Variants in CCDC13 observed in about 807,000 individuals in gnomAD.
The protein encoded by CCDC13 is coiled-coil domain-containing protein 13.
Under a neutral mutation model 87.3 loss-of-function variants are expected in CCDC13, and 70 were observed. That is an observed-to-expected ratio of 0.80 (90% CI 0.66 to 0.98). The LOEUF (loss-of-function observed/expected upper bound fraction) is 0.98, where lower values mean the gene tolerates loss of function less well. CCDC13 is among the 50% of genes least tolerant of loss of function. The probability of loss-of-function intolerance (pLI) is 0.00; values close to 1 mark genes in which losing one functional copy is unlikely to be tolerated. For missense variants in CCDC13, 842 were observed against 892.0 expected, an observed-to-expected ratio of 0.94 and a Z score of 0.71; for synonymous variants, 317 against 360.3, an observed-to-expected ratio of 0.88 and a Z score of 1.36.
chr3:42,772,289 A>T (rs55973237), intron 1 of CCDC13, among the ~76,000 whole-genome samples: 1,079 of 72,026 alleles, frequency 0.015, 13 homozygotes, highest in African/African-American at 0.037. Context: ...AAAAAAAAAA[A>T]AGTAATAATA....
At chr3:42,756,268 C>G (rs339680) in intron 3 of CCDC13, among the ~76,000 whole-genome samples, 144,459 of 152,346 alleles carry the variant, frequency 0.95, 68,542 homozygotes, top group East Asian at 1. Flanking sequence ...ATACATAACA[C>G]AGGACAATCA....
intron 3 of CCDC13, 66 bp downstream of exon 3, chr3:42,757,000 G>T: frequency 6.7e-7 from 1 of 1,486,932 alleles, no homozygotes; most frequent in Non-Finnish European, 9.2e-7. Flanking sequence ...TCTGGAACCT[G>T]CTGTCTGCCC....
At chr3:42,754,338 G>C (rs537319984) in intron 3 of CCDC13, among the ~76,000 whole-genome samples, 46 of 152,280 alleles carry the variant, frequency 3.0e-4, no homozygotes, top group Non-Finnish European at 5.9e-5. Flanking sequence ...CAAGAGAAAA[G>C]GCTCAGAGCA....
chr3:42,770,136 G>C (rs1700033565), intron 1 of CCDC13, among the ~76,000 whole-genome samples: 2 of 152,254 alleles, frequency 1.3e-5, no homozygotes, highest in Admixed American at 6.5e-5. Context: ...CCTGAGTCTA[G>C]TGGGGACTTG....
In CCDC13 at chr3:42,739,511, C is replaced by T. The variant is rs543787960; in HGVS notation, c.1164+123G>A. The T allele has an allele frequency of 6.9e-5, 76 of 1,109,430 alleles. No individual in the cohort carries two copies. In the Middle Eastern group the frequency reaches 2.7e-3, roughly 40 times the overall value. 68.7% of individuals were successfully genotyped at this position (1,109,430 alleles called of 1,614,324 possible). On this transcript the variant is annotated intron_variant, in intron 9 of 15. Coordinates refer to ENST00000310232, the MANE Select transcript of CCDC13 (RefSeq NM_144719.4). ...GGTACTGGGGGCCATCTGGAGGCAA[C>T]GGGCTTTGGGGTTACACAGGTGGCA... is the stretch of plus-strand genomic sequence containing the variant.
At chr3:42,766,427 T>C (rs1048693130) in intron 1 of CCDC13, among the ~76,000 whole-genome samples, 4 of 152,046 alleles carry the variant, frequency 2.6e-5, no homozygotes, top group Non-Finnish European at 5.9e-5. Flanking sequence ...CGGGTTCATC[T>C]TGCCTGCTGT....
chr3:42,755,661 G>C (rs1416247883), intron 3 of CCDC13, among the ~76,000 whole-genome samples: 1 of 152,200 alleles, frequency 6.6e-6, no homozygotes, highest in African/African-American at 2.4e-5. Flanking sequence ...TCTCCAAAAC[G>C]TGAGAATGAA....
At chr3:42,731,846 C>A (rs1446095014) in intron 12 of CCDC13, among the ~76,000 whole-genome samples, 1 of 152,142 alleles carries the variant, frequency 6.6e-6, no homozygotes, top group Non-Finnish European at 1.5e-5. Context: ...GAGGGTAGGG[C>A]CCACACATGG....
chr3:42,715,628 A>G (rs115416948), intron 13 of CCDC13, among the ~76,000 whole-genome samples: 1 of 152,174 alleles, frequency 6.6e-6, no homozygotes, highest in Admixed American at 6.5e-5. Context: ...AAGAAAAAAA[A>G]ATAAAGTTTA....
At chr3:42,745,760 G>A in intron 7 of CCDC13, 163 bp downstream of exon 7, 1 of 518,794 alleles carries the variant, frequency 1.9e-6, no homozygotes, top group South Asian at 3.5e-5. Flanking sequence ...AATCAGGCTG[G>A]TTGGCGAGAA....
At chr3:42,734,144 G>A (rs1208005035) in intron 10 of CCDC13, among the ~76,000 whole-genome samples, 2 of 152,116 alleles carry the variant, frequency 1.3e-5, no homozygotes, top group African/African-American at 4.8e-5. Flanking sequence ...TGCTGGGGCT[G>A]GACTGGACAG....
chr3:42,711,755 C>T (rs563690358), intron 14 of CCDC13, among the ~76,000 whole-genome samples: 6 of 152,152 alleles, frequency 3.9e-5, no homozygotes, highest in African/African-American at 9.7e-5. Context: ...CAGGGGGAGG[C>T]GGGTAAGTGG....
At chr3:42,771,145 A>C (rs1160707568) in intron 1 of CCDC13, 2 of 152,230 alleles carry the variant, frequency 1.3e-5, no homozygotes, top group Admixed American at 1.3e-4. Flanking sequence ...ATGAGCTATC[A>C]CGCCACGAAA....
chr3:42,749,073 A>G (rs990460787), intron 5 of CCDC13, among the ~76,000 whole-genome samples: 8 of 151,902 alleles, frequency 5.3e-5, no homozygotes, highest in Non-Finnish European at 1.2e-4. Flanking sequence ...TTTTTTTTAA[A>G]GTATATTTTC....
rs1455198602 is a variant in CCDC13, at chr3:42,709,714, A to T, written c.1958T>A (p.Val653Glu). 6.2e-7 allele frequency: 1 copy of T among 1,614,108 alleles called. No individual in the cohort carries two copies. Among genetic ancestry groups the T allele is most frequent in the Admixed American group, 1.7e-5 (1 of 60,026 alleles). ...TGTCAGCTCTTCCATTTGGGATTCC[A>T]CGGGCACATCGGAGAGCTGGGCAAA... ...PSFAQLSDVP[V>E]ESQMEELTTR... The change falls in exon 15 of 16, where the codon GTG (valine) becomes GAG (glutamate). Residue 653 changes from valine (V) to glutamate (E), a missense_variant. Transcript: ENST00000310232.
intron 4 of CCDC13, among the ~76,000 whole-genome samples, 156 bp from the exon 5 acceptor site, chr3:42,752,181 C>T (rs962041149): frequency 2.0e-5 from 3 of 152,166 alleles, no homozygotes; most frequent in Admixed American, 6.5e-5. Context: ...CTTTAGAAAC[C>T]GCTCTGGAAT....
chr3:42,719,223 C>T (rs572129286), intron 13 of CCDC13: 80 of 152,076 alleles, frequency 5.3e-4, no homozygotes, highest in Non-Finnish European at 1.0e-3. Context: ...TTTTTCTTCC[C>T]TAAAAGGGAA....
intron 13 of CCDC13, among the ~76,000 whole-genome samples, chr3:42,723,947 A>T (rs1340768270): frequency 1.3e-5 from 2 of 152,210 alleles, no homozygotes; most frequent in East Asian, 1.9e-4. Flanking sequence ...TGATCTAATT[A>T]AAAAATTTAC....
chr3:42,722,152 T>G (rs147962960), intron 13 of CCDC13, among the ~76,000 whole-genome samples: 1 of 152,214 alleles, frequency 6.6e-6, no homozygotes, highest in African/African-American at 2.4e-5. Context: ...CTTCCAGATA[T>G]CACCTTTTGT....
Sources: allele counts gnomAD v4.1 joint callset (sites outside exome capture counted in the v4.1 genomes callset), GRCh38; gene constraint gnomAD v4.1.1; transcripts MANE v1.5; gene names NCBI Gene and HGNC (gene_info 2026-07-23, HGNC 2026-07-21).